Variants in DSG3 observed in about 807,000 individuals in gnomAD.
DSG3 encodes the protein desmoglein 3.
DSG3 carries 63 observed loss-of-function variants against 85.9 expected under a neutral mutation model. The ratio of observed to expected loss-of-function variants is 0.73; its 90% CI spans 0.60 to 0.90. The LOEUF (loss-of-function observed/expected upper bound fraction) is 0.90, where lower values mean the gene tolerates loss of function less well. DSG3 is among the 40% of genes least tolerant of loss of function. The probability of loss-of-function intolerance (pLI) is 0.00; values close to 1 mark genes in which losing one functional copy is unlikely to be tolerated. For missense variants in DSG3, 1,220 were observed against 1,219.9 expected (o/e 1.00, Z 0.00); for synonymous variants, 447 against 441.9 (o/e 1.01, Z -0.14).
At chr18:31,448,862 T>C (rs778121820) in intron 1 of DSG3, among the ~76,000 whole-genome samples, 6 of 152,174 alleles carry the variant, frequency 3.9e-5, no homozygotes, top group Non-Finnish European at 2.9e-5. Flanking sequence ...CACAGGGAGA[T>C]AGATCTCAAG....
chr18:31,469,123 A>T lies in DSG3; in HGVS notation c.1671A>T (p.Ile557=). 1 of 1,614,090 alleles carries T rather than the reference A, an allele frequency of 6.2e-7. No homozygotes were observed. Among genetic ancestry groups the T allele is most frequent in the Non-Finnish European group, 8.5e-7 (1 of 1,179,986 alleles). ...CCCTCCTCAGAGCCCAGGAACAGATACCTCCTGGAGTATACCACATCTCCC... is the reference window on the plus strand; with the variant it reads ...CCCTCCTCAGAGCCCAGGAACAGATTCCTCCTGGAGTATACCACATCTCCC... ...TSALLRAQEQ[I]PPGVYHISLV... Residue 557 remains isoleucine (I), a synonymous_variant, in exon 12 of 16, where the codon ATA becomes ATT. Coordinates refer to ENST00000257189, the MANE Select transcript of DSG3 (RefSeq NM_001944.3).
chr18:31,455,991 T>G (rs1205268585), intron 1 of DSG3, among the ~76,000 whole-genome samples: 1 of 152,210 alleles, frequency 6.6e-6, no homozygotes, highest in Non-Finnish European at 1.5e-5. Flanking sequence ...AGGATTGCCT[T>G]CCTACAAATC....
Position 31,462,318 on chromosome 18 carries a change from C to T in DSG3, c.999+906C>T, listed in dbSNP as rs144391496. On this transcript the variant is annotated intron_variant, in intron 8 of 15. Transcript: ENST00000257189. ...AACTCCTGATCTCAAGTGATCCACC[C>T]GCCTTGGCCTCCCAAAGTACTGGGA... 3.1e-3 allele frequency among the ~76,000 whole-genome samples: 476 copies of T among 152,250 alleles called. 3 individuals carry two copies. The highest frequency in any genetic ancestry group is 0.01 in the African/African-American group (427 of 41,536).
chr18:31,455,021 CAA>C (rs541940386), intron 1 of DSG3, among the ~76,000 whole-genome samples: 100 of 93,978 alleles, frequency 1.1e-3, no homozygotes, highest in East Asian at 4.5e-3. Context: ...AACTCCGTCT[CAA>C]AAAAAAAAAA....
chr18:31,449,417 A>G (rs2072697900), intron 1 of DSG3, among the ~76,000 whole-genome samples: 4 of 152,076 alleles, frequency 2.6e-5, no homozygotes, highest in African/African-American at 9.7e-5. Flanking sequence ...GGCTGTCGGG[A>G]TAGTATTGCC....
At chr18:31,464,592 A>G (rs1284520639) in intron 9 of DSG3, among the ~76,000 whole-genome samples, 2 of 152,228 alleles carry the variant, frequency 1.3e-5, no homozygotes, top group Non-Finnish European at 2.9e-5. Context: ...AGCACAAGTT[A>G]CAGTGGAAAC....
intron 6 of DSG3, among the ~76,000 whole-genome samples, chr18:31,460,521 T>C (rs1476075185): frequency 6.6e-6 from 1 of 152,136 alleles, no homozygotes; most frequent in Non-Finnish European, 1.5e-5. Flanking sequence ...TCAGACCCCA[T>C]ATTATTTTTG....
intron 15 of DSG3, among the ~76,000 whole-genome samples, chr18:31,475,087 G>A (rs9950918): frequency 6.6e-6 from 1 of 152,142 alleles, no homozygotes; most frequent in African/African-American, 2.4e-5. Flanking sequence ...GTGATGGGAG[G>A]AATGACATGT....
At chr18:31,467,881 C>T (rs1241634749) in intron 11 of DSG3, among the ~76,000 whole-genome samples, 1 of 152,198 alleles carries the variant, frequency 6.6e-6, no homozygotes, top group Non-Finnish European at 1.5e-5. Context: ...ACACTTCTGA[C>T]ATAAAGATCT....
rs756680230 is a variant in DSG3 at position 31,459,826 on chromosome 18, C to A, written c.518-19C>A. ...TAATTGTTACATATTCTTTAATAAA[C>A]GTTTTCCTGTATTCCTAGACTCACT... On this transcript the variant is annotated intron_variant, in intron 5 of 15. Transcript: ENST00000257189. The A allele has an allele frequency of 3.2e-6, 5 of 1,581,564 alleles. No individual in the cohort carries two copies. Among genetic ancestry groups the A allele is most frequent in the African/African-American group, 2.7e-5 (2 of 73,874 alleles).
At chr18:31,474,013 C>G (rs1368974598) in intron 14 of DSG3, 108 bp from the exon 15 acceptor site, 2 of 1,032,090 alleles carry the variant, frequency 1.9e-6, no homozygotes, top group Non-Finnish European at 2.8e-6. Flanking sequence ...TATTTTCTCC[C>G]ACTTACTTGT....
At position 31,461,236 on chromosome 18, in the gene DSG3, C is replaced by G. The variant is rs144335146; in HGVS notation, c.823C>G (p.Arg275Gly). The part of the protein sequence containing the change: ...PMFRDSQYSA[R>G]IEENILSSEL... ...CTTCTCGCCTTTTCAGTATTCAGCA[C>G]GTATTGAAGAAAATATTTTAAGTTC... Residue 275 changes from arginine (R) to glycine (G), a missense_variant, in exon 8 of 16, where the codon CGT (arginine) becomes GGT (glycine). Coordinates refer to ENST00000257189, the MANE Select transcript of DSG3 (RefSeq NM_001944.3). 1.7e-5 allele frequency: 27 copies of G among 1,612,048 alleles called. No individual in the cohort carries two copies. The East Asian group carries it at 5.4e-4, about 32-fold the overall frequency.
chr18:31,451,087 A>G (rs2072709106), intron 1 of DSG3, among the ~76,000 whole-genome samples: 1 of 152,148 alleles, frequency 6.6e-6, no homozygotes, highest in Non-Finnish European at 1.5e-5. Context: ...AAAATGTGGT[A>G]TTTATCAGTT....
In DSG3 at chr18:31,461,015, A is replaced by G. The variant is rs2072781627; in HGVS notation, c.813+54A>G. ...TTAGATATATATTTAATACTTTGAA[A>G]TCCTAATTCAGGACTTGCCTGTTTG... On this transcript the variant is annotated intron_variant, in intron 7 of 15. Transcript: ENST00000257189. 2.7e-6 allele frequency: 4 copies of G among 1,495,250 alleles called. No individual in the cohort carries two copies. In the African/African-American group the frequency reaches 5.7e-5, roughly 21 times the overall value. The allele number at this position is 1,495,250 out of a possible 1,614,324, so 92.6% of individuals were successfully genotyped here.
At chr18:31,463,965 A>G in intron 8 of DSG3, 146 bp from the exon 9 acceptor site, 1 of 789,626 alleles carries the variant, frequency 1.3e-6, no homozygotes, top group Non-Finnish European at 2.0e-6. Context: ...CTCTGTCTCA[A>G]CATTACAATA....
At chr18:31,467,218 G>T (rs919273103) in intron 11 of DSG3, among the ~76,000 whole-genome samples, 1 of 152,086 alleles carries the variant, frequency 6.6e-6, no homozygotes, top group African/African-American at 2.4e-5. Context: ...GCGCATGCCT[G>T]TAATCCCAGC....
intron 15 of DSG3, among the ~76,000 whole-genome samples, chr18:31,475,239 A>G (rs545249241): frequency 9.9e-5 from 15 of 152,228 alleles, no homozygotes; most frequent in Non-Finnish European, 1.5e-4. Context: ...GAGTTTTGGT[A>G]TCAATACTGG....
chr18:31,459,832 C>G lies in DSG3; in HGVS notation c.518-13C>G, dbSNP rs570386019. On this transcript the variant is annotated splice_polypyrimidine_tract_variant and intron_variant, in intron 5 of 15. Transcript: ENST00000257189. Reference sequence around the variant, plus strand: ...TTACATATTCTTTAATAAACGTTTTCCTGTATTCCTAGACTCACTGGTGAT... The same window carrying G: ...TTACATATTCTTTAATAAACGTTTTGCTGTATTCCTAGACTCACTGGTGAT... 6.9e-6 allele frequency: 11 copies of G among 1,593,310 alleles called. No homozygotes were observed. In the African/African-American group the frequency reaches 1.3e-4, roughly 19 times the overall value.
At chr18:31,456,967 A>G (rs2072745960) in intron 2 of DSG3, 26 bp from the exon 3 acceptor site, 2 of 1,580,586 alleles carry the variant, frequency 1.3e-6, no homozygotes, top group Non-Finnish European at 1.7e-6. Context: ...AATTTCCATA[A>G]CAAATGGAAT....
Sources: gnomAD v4.1 joint callset for allele counts (sites outside exome capture counted in the v4.1 genomes callset) on GRCh38, gnomAD v4.1.1 for gene constraint, MANE v1.5 for transcripts, NCBI Gene and HGNC (gene_info 2026-07-23, HGNC 2026-07-21) for gene names.